HHAT: variants seen among roughly 807,000 people sequenced by gnomAD.
HHAT encodes protein-cysteine N-palmitoyltransferase HHAT.
HHAT carries 47 observed loss-of-function variants against 70.8 expected under a neutral mutation model. That is an observed-to-expected ratio of 0.66 (90% CI 0.53 to 0.85). The LOEUF (loss-of-function observed/expected upper bound fraction) is 0.85, where lower values mean the gene tolerates loss of function less well. HHAT is among the 40% of genes least tolerant of loss of function. The pLI is 0.00. For missense variants in HHAT, 609 were observed against 604.8 expected (o/e 1.01, Z -0.07); for synonymous variants, 228 against 247.6 (o/e 0.92, Z 0.74).
At chr1:210,409,768 A>G (rs944809038) in intron 6 of HHAT, among the ~76,000 whole-genome samples, 3 of 152,236 alleles carry the variant, frequency 2.0e-5, no homozygotes, top group Non-Finnish European at 2.9e-5. Context: ...AGAAAGAGAA[A>G]GGCATAGCTA....
chr1:210,506,221 A>G (rs2094851465), intron 8 of HHAT, among the ~76,000 whole-genome samples: 1 of 152,190 alleles, frequency 6.6e-6, no homozygotes, highest in Non-Finnish European at 1.5e-5. Context: ...ATAAACTGCC[A>G]GGGCTGCCCT....
At chr1:210,374,068 T>G (rs984447959) in intron 3 of HHAT, 7 of 152,220 alleles carry the variant, frequency 4.6e-5, no homozygotes, top group Non-Finnish European at 1.0e-4. Context: ...TACACAATGT[T>G]TAAACAAACA....
At chr1:210,522,832 T>G (rs2095181060) in intron 9 of HHAT, among the ~76,000 whole-genome samples, 1 of 151,606 alleles carries the variant, frequency 6.6e-6, no homozygotes, top group Non-Finnish European at 1.5e-5. Context: ...GCACGCTCTC[T>G]TTCTACCCAT....
chr1:210,669,657 G>C (rs1266941674), intron 11 of HHAT, among the ~76,000 whole-genome samples: 1 of 152,200 alleles, frequency 6.6e-6, no homozygotes, highest in Non-Finnish European at 1.5e-5. Flanking sequence ...GTTAAAAACT[G>C]ATCACCTGTT....
At chr1:210,389,962 G>A (rs1408834579) in intron 4 of HHAT, among the ~76,000 whole-genome samples, 3 of 152,154 alleles carry the variant, frequency 2.0e-5, no homozygotes, top group Non-Finnish European at 4.4e-5. Context: ...GGATCAATAA[G>A]ATAGTATTAG....
chr1:210,423,992 T>G (rs2148295636), intron 7 of HHAT, among the ~76,000 whole-genome samples: 1 of 152,362 alleles, frequency 6.6e-6, no homozygotes, highest in South Asian at 2.1e-4. Context: ...AGCTTTGTAC[T>G]TTTTGCTCAG....
At chr1:210,538,265 C>G (rs567072448) in intron 9 of HHAT, among the ~76,000 whole-genome samples, 1 of 152,156 alleles carries the variant, frequency 6.6e-6, no homozygotes, top group South Asian at 2.1e-4. Context: ...TTTACTTCAT[C>G]TAAGGATTTA....
chr1:210,392,066 G>T (rs562675005), intron 4 of HHAT, among the ~76,000 whole-genome samples: 4 of 152,118 alleles, frequency 2.6e-5, no homozygotes, highest in African/African-American at 9.7e-5. Flanking sequence ...ACGAGATCTT[G>T]CTGTATTGCC....
chr1:210,577,884 G>A (rs1232181816), intron 9 of HHAT, among the ~76,000 whole-genome samples: 4 of 151,940 alleles, frequency 2.6e-5, no homozygotes, highest in African/African-American at 9.7e-5. Flanking sequence ...GACCTCATGT[G>A]ATCTGCCTGC....
chr1:210,588,204 C>T, intron 10 of HHAT, 105 bp downstream of exon 10: 1 of 988,862 alleles, frequency 1.0e-6, no homozygotes, highest in Non-Finnish European at 1.5e-6. Flanking sequence ...TGGGCCCTTT[C>T]TACTAGGTTG....
chr1:210,609,475 G>A, intron 10 of HHAT, among the ~76,000 whole-genome samples: 1 of 152,116 alleles, frequency 6.6e-6, no homozygotes, highest in East Asian at 1.9e-4. Flanking sequence ...AGTGTTATCA[G>A]TGAGCATAGT....
intron 2 of HHAT, among the ~76,000 whole-genome samples, chr1:210,356,798 A>G (rs2087678349): frequency 6.6e-6 from 1 of 152,234 alleles, no homozygotes; most frequent in Non-Finnish European, 1.5e-5. Flanking sequence ...TGGTTGCAAG[A>G]TGATCAGTAA....
chr1:210,519,153 C>T (rs561638969), intron 9 of HHAT, among the ~76,000 whole-genome samples: 1 of 152,238 alleles, frequency 6.6e-6, no homozygotes, highest in African/African-American at 2.4e-5. Context: ...TTCCTTGGCC[C>T]CTCAACTCTG....
At chr1:210,505,737 G>A (rs531492689) in intron 8 of HHAT, among the ~76,000 whole-genome samples, 22 of 152,306 alleles carry the variant, frequency 1.4e-4, no homozygotes, top group Admixed American at 1.4e-3. Flanking sequence ...ATAAAAGACT[G>A]AAGTTTGCAA....
intron 8 of HHAT, among the ~76,000 whole-genome samples, chr1:210,499,988 T>C (rs1331839335): frequency 6.6e-6 from 1 of 152,216 alleles, no homozygotes; most frequent in Non-Finnish European, 1.5e-5. Flanking sequence ...TTTTTAGATA[T>C]AATGACTGTT....
At chr1:210,358,588 C>T (rs534948309) in intron 2 of HHAT, among the ~76,000 whole-genome samples, 2 of 152,264 alleles carry the variant, frequency 1.3e-5, no homozygotes, top group African/African-American at 2.4e-5. Context: ...ATTAGAAGCC[C>T]GTCTTTTCTG....
intron 10 of HHAT, among the ~76,000 whole-genome samples, chr1:210,592,321 T>C (rs539987819): frequency 5.8e-4 from 88 of 152,252 alleles, no homozygotes; most frequent in Non-Finnish European, 1.1e-3. Flanking sequence ...CTTGGCACTT[T>C]TGTTGAAAAT....
Position 210,614,540 on chromosome 1 carries a change from T to C in HHAT, c.1246-8986T>C, listed in dbSNP as rs1055455456. Among the ~76,000 whole-genome samples the C allele has an allele frequency of 7.9e-5, 12 of 152,308 alleles. No homozygotes were observed. In the Middle Eastern group the frequency reaches 0.01, roughly 130 times the overall value. On this transcript the variant is annotated intron_variant, in intron 10 of 11. Transcript: ENST00000261458. ...ACTCATCATTTACATTAGGTATATC[T>C]CCTAATGCTATCCCTCTCCCCTCCC...
rs71571952 is a variant in HHAT at position 210,504,902 on chromosome 1, C to CTTTTTTT, written c.1008-8239_1008-8233dup. Among the ~76,000 whole-genome samples the CTTTTTTT allele has an allele frequency of 4.8e-5, 6 of 124,508 alleles. 1 individual carries two copies. The highest frequency in any genetic ancestry group is 6.4e-5 in the Non-Finnish European group (4 of 62,122). The allele number at this position is 124,508 out of a possible 152,430, so 81.7% of individuals were successfully genotyped here. ...TATGTTCCCGGCGTAGCTTTTTATTCTTTTTTTTTTTTTTTTTTGAGACGG... is the reference window on the plus strand; with the variant it reads ...TATGTTCCCGGCGTAGCTTTTTATTCTTTTTTTTTTTTTTTTTTTTTTTTTGAGACGG... On this transcript the variant is annotated intron_variant, in intron 8 of 11. Coordinates refer to ENST00000261458, the MANE Select transcript of HHAT (RefSeq NM_018194.6).
Sources: gnomAD v4.1 joint callset for allele counts (sites outside exome capture counted in the v4.1 genomes callset) on GRCh38, gnomAD v4.1.1 for gene constraint, MANE v1.5 for transcripts, NCBI Gene and HGNC (gene_info 2026-07-23, HGNC 2026-07-21) for gene names.